Variants in CSAG1 observed in about 807,000 individuals in gnomAD.
The protein encoded by CSAG1 is chondrosarcoma associated gene 1.
Under a neutral mutation model 4.8 loss-of-function variants are expected in CSAG1, and 4 were observed. That is an observed-to-expected ratio of 0.83 (90% CI 0.41 to 1.90). The LOEUF is 1.90. Ranked by LOEUF, CSAG1 falls within the 40% of genes most tolerant of loss-of-function variation. The pLI, the probability that CSAG1 is intolerant of heterozygous loss-of-function variation, is 0.03. For missense variants in CSAG1, 69 were observed against 59.5 expected, an observed-to-expected ratio of 1.16 and a Z score of -0.53; for synonymous variants, 21 against 23.1, an observed-to-expected ratio of 0.91 and a Z score of 0.26.
chrX:152,729,901 C>T (rs73631806), intron 2 of CSAG1, among the ~76,000 whole-genome samples: 5,648 of 107,432 alleles, frequency 0.053, 375 homozygotes, highest in African/African-American at 0.18. Context: ...CTTATGTCTA[C>T]ATAAAAATTT....
chrX:152,732,364 G>A (rs1197765659), intron 2 of CSAG1, 81 bp downstream of exon 2: 2 of 1,127,418 alleles, frequency 1.8e-6, no homozygotes, highest in African/African-American at 3.7e-5. Context: ...ACATAGAGGA[G>A]TATAACATAT....
chrX:152,730,616 C>T (rs1430739481), intron 2 of CSAG1, among the ~76,000 whole-genome samples: 2 of 112,008 alleles, frequency 1.8e-5, no homozygotes, highest in African/African-American at 3.2e-5. Context: ...ACTTTCCAAC[C>T]TCCAGAATGT....
chrX:152,731,042 C>G (rs1320563311), intron 2 of CSAG1, among the ~76,000 whole-genome samples: 27 of 112,175 alleles, frequency 2.4e-4, no homozygotes, highest in Admixed American at 9.4e-4. Context: ...AATAAAAAGT[C>G]CTTTTCCTTT....
At position 152,727,530 on chromosome X, in the gene CSAG1, C is replaced by T. The variant is rs1556830411; in HGVS notation, c.*264G>A. The T allele has an allele frequency of 4.9e-5, 21 of 426,897 alleles. No homozygotes were observed. The highest frequency in any genetic ancestry group is 7.1e-5 in the Non-Finnish European group (17 of 238,635). 35.2% of individuals were successfully genotyped at this position (426,897 alleles called of 1,213,427 possible). A position where few individuals can be genotyped will look rare whatever the true frequency, so the allele number is the denominator to read the frequency against. On this transcript the variant is annotated 3_prime_UTR_variant, in exon 4 of 4. Transcript: ENST00000452779. Reference sequence around the variant, plus strand: ...TTATTTCCATCACCATGGGGCATACCCTTTGGGGTGTAAAACGTACTCTAC... The same window carrying T: ...TTATTTCCATCACCATGGGGCATACTCTTTGGGGTGTAAAACGTACTCTAC...
Position 152,727,817 on chromosome X carries a change from G to A in CSAG1, c.214C>T (p.Pro72Ser), listed in dbSNP as rs2124962370. The A allele has an allele frequency of 4.1e-6, 5 of 1,211,116 alleles. No individual in the cohort carries two copies. The highest frequency in any genetic ancestry group is 1.8e-5 in the South Asian group (1 of 56,924). ...RREKGPVKEV[P>S]GTKGSP ...TTTTAGGGAGAGCCTTTTGTTCCTG[G>A]AACTTCCTTGACGGGTCCCTTTTCC... Residue 72 changes from proline (P) to serine (S), a missense_variant, in exon 4 of 4, where the codon CCA (proline) becomes TCA (serine). Physicochemically the swap from Pro to Ser is moderately conservative, Grantham distance 74 (BLOSUM62 -1). Transcript: ENST00000452779.
chrX:152,728,447 A>T (rs1236294860), intron 2 of CSAG1, among the ~76,000 whole-genome samples: 1 of 112,350 alleles, frequency 8.9e-6, no homozygotes, highest in African/African-American at 3.2e-5. Context: ...TGAGCAGTAT[A>T]GCCTAGACAA....
intron 2 of CSAG1, among the ~76,000 whole-genome samples, chrX:152,731,394 T>C (rs1430594776): frequency 8.9e-6 from 1 of 112,333 alleles, no homozygotes; most frequent in African/African-American, 3.2e-5. Context: ...CTATACAAAC[T>C]GAAACTGTAC....
chrX:152,728,047 A>T (rs1556830704), intron 3 of CSAG1, 27 bp downstream of exon 3: 35 of 1,208,779 alleles, frequency 2.9e-5, no homozygotes, highest in East Asian at 1.2e-4. Context: ...TGGGCCAGGG[A>T]TGAGAGGATG....
chrX:152,730,013 C>T (rs1458830537), intron 2 of CSAG1, among the ~76,000 whole-genome samples: 59 of 35,564 alleles, frequency 1.7e-3, no homozygotes, highest in East Asian at 5.3e-3. Context: ...TATATATACA[C>T]ACATACACAC....
At chrX:152,731,580 C>T (rs1264956128) in intron 2 of CSAG1, among the ~76,000 whole-genome samples, 1 of 111,566 alleles carries the variant, frequency 9.0e-6, no homozygotes, top group South Asian at 3.7e-4. Flanking sequence ...GATTCAAAAT[C>T]AGATGAGGAC....
intron 2 of CSAG1, among the ~76,000 whole-genome samples, chrX:152,728,968 C>T (rs1167909364): frequency 9.0e-6 from 1 of 111,130 alleles, no homozygotes; most frequent in African/African-American, 3.3e-5. Flanking sequence ...CAAATACAGA[C>T]ACCCTGGGGC....
intron 1 of CSAG1, 74 bp downstream of exon 1, chrX:152,733,594 C>T (rs1556227437): frequency 1.0e-5 from 1 of 99,600 alleles, no homozygotes; most frequent in South Asian, 5.3e-4. Flanking sequence ...CTCCCCCAAC[C>T]CCACCAGGAT....
rs1416566839 is a variant in CSAG1 at position 152,728,115 on chromosome X, G to A, written c.126C>T (p.Ala42=). ...GGTGGTTGTTGGAAAATGGGCTGGA[G>A]GCTCGTGGTTTCCTGGACATCTTCA... is the stretch of plus-strand genomic sequence containing the variant. ...GLVKMSRKPR[A]SSPFSNNHPS... Residue 42 remains alanine, a synonymous_variant, in exon 3 of 4, where the codon GCC becomes GCT. Coordinates refer to ENST00000452779, the MANE Select transcript of CSAG1 (RefSeq NM_001102576.3). 2.5e-6 allele frequency: 3 copies of A among 1,208,679 alleles called. No individual in the cohort carries two copies. In the African/African-American group the frequency reaches 5.3e-5, roughly 21 times the overall value.
intron 2 of CSAG1, among the ~76,000 whole-genome samples, chrX:152,728,469 A>G (rs1932073052): frequency 8.9e-6 from 1 of 112,193 alleles, no homozygotes; most frequent in Non-Finnish European, 1.9e-5. Flanking sequence ...TTGACACATA[A>G]TACTAGCCAC....
At chrX:152,731,847 A>G (rs782261743) in intron 2 of CSAG1, among the ~76,000 whole-genome samples, 1 of 112,514 alleles carries the variant, frequency 8.9e-6, no homozygotes, top group Admixed American at 9.4e-5. Flanking sequence ...TGGAAAAAAG[A>G]AAATATTTAT....
chrX:152,732,289 A>G (rs1932173613), intron 2 of CSAG1, among the ~76,000 whole-genome samples, 156 bp downstream of exon 2: 1 of 112,732 alleles, frequency 8.9e-6, no homozygotes, highest in South Asian at 3.7e-4. Context: ...ATAAAAATGT[A>G]TAAGCTGCTT....
chrX:152,729,519 C>T (rs1279022119), intron 2 of CSAG1, among the ~76,000 whole-genome samples: 5 of 111,589 alleles, frequency 4.5e-5, no homozygotes, highest in Non-Finnish European at 7.5e-5. Flanking sequence ...TAAAGCTCAG[C>T]GATAGAAAAA....
intron 2 of CSAG1, 130 bp downstream of exon 2, chrX:152,732,315 G>A (rs1278921407): frequency 5.0e-5 from 42 of 848,083 alleles, no homozygotes; most frequent in African/African-American, 8.5e-5. Context: ...GGCAACTATC[G>A]AAGTATACTG....
At chrX:152,730,009 TAC>T (rs1556228717) in intron 2 of CSAG1, among the ~76,000 whole-genome samples, 6 of 54,982 alleles carry the variant, frequency 1.1e-4, no homozygotes, top group Admixed American at 3.1e-4. Flanking sequence ...TATATATATA[TAC>T]ACACATACAC....
Sources: gnomAD v4.1 joint callset for allele counts (sites outside exome capture counted in the v4.1 genomes callset) on GRCh38, gnomAD v4.1.1 for gene constraint, MANE v1.5 for transcripts, NCBI Gene and HGNC (gene_info 2026-07-23, HGNC 2026-07-21) for gene names.